Variants in SYT9 observed in about 807,000 individuals in gnomAD.
SYT9 encodes the protein synaptotagmin 9, also known as synaptotagmin-9.
SYT9 carries 22 observed loss-of-function variants against 48.4 expected under a neutral mutation model. The observed-to-expected ratio is 0.45, with a 90% CI of 0.32 to 0.65. The LOEUF is 0.65. Among genes scored for constraint, SYT9 ranks in the 30% least tolerant of loss-of-function variants. The probability of loss-of-function intolerance (pLI) is 0.03; values close to 1 mark genes in which losing one functional copy is unlikely to be tolerated. For missense variants in SYT9, 577 were observed against 622.0 expected, an observed-to-expected ratio of 0.93 and a Z score of 0.77; for synonymous variants, 265 against 245.0, an observed-to-expected ratio of 1.08 and a Z score of -0.76.
chr11:7,447,690 C>G (rs140663349), intron 6 of SYT9, among the ~76,000 whole-genome samples: 1 of 151,936 alleles, frequency 6.6e-6, no homozygotes, highest in East Asian at 1.9e-4. Flanking sequence ...ATACAGATAA[C>G]CTTTTCTCTG....
chr11:7,363,361 A>G (rs926143513), intron 3 of SYT9, among the ~76,000 whole-genome samples: 1 of 152,222 alleles, frequency 6.6e-6, no homozygotes, highest in African/African-American at 2.4e-5. Context: ...GCTTTCTGAC[A>G]TTAGCATCTA....
chr11:7,279,146 G>A (rs1226309493), intron 1 of SYT9, among the ~76,000 whole-genome samples: 1 of 152,146 alleles, frequency 6.6e-6, no homozygotes, highest in African/African-American at 2.4e-5. Flanking sequence ...GTGGACCCTA[G>A]AAACTCAAGG....
At chr11:7,270,790 A>G (rs1848279044) in intron 1 of SYT9, among the ~76,000 whole-genome samples, 1 of 151,684 alleles carries the variant, frequency 6.6e-6, no homozygotes. Context: ...AGCTGCTTCC[A>G]TGAGAGGATA....
intron 2 of SYT9, among the ~76,000 whole-genome samples, chr11:7,312,784 C>A (rs958066874): frequency 3.3e-5 from 5 of 152,210 alleles, no homozygotes; most frequent in Non-Finnish European, 5.9e-5. Context: ...AAAGCACAAT[C>A]CCAATTATGT....
At chr11:7,338,993 T>C (rs1849672540) in intron 3 of SYT9, among the ~76,000 whole-genome samples, 1 of 152,176 alleles carries the variant, frequency 6.6e-6, no homozygotes, top group African/African-American at 2.4e-5. Context: ...TTTGTAGGTC[T>C]CTTAAGAATT....
intron 6 of SYT9, chr11:7,439,224 CTTAGAAGAGAAGGAAGT>C (rs1396143118): frequency 6.6e-6 from 1 of 152,210 alleles, no homozygotes; most frequent in Non-Finnish European, 1.5e-5. Flanking sequence ...ATGCACACAG[CTTAGAAGAGAAGGAAGT>C]CACTCTATCT....
intron 1 of SYT9, among the ~76,000 whole-genome samples, chr11:7,265,692 A>G (rs1405904705): frequency 3.4e-5 from 5 of 148,924 alleles, no homozygotes; most frequent in East Asian, 3.9e-4. Flanking sequence ...TTGTAGCCAC[A>G]GTGAATTATC....
upstream of SYT9, among the ~76,000 whole-genome samples, chr11:7,251,121 CACACACACACA>C (rs2119746662): frequency 1.3e-5 from 2 of 150,632 alleles, no homozygotes; most frequent in South Asian, 4.2e-4. Context: ...CACACACACA[CACACACACACA>C]CCCAGAGTAC....
chr11:7,283,272 A>C (rs1848535444), intron 1 of SYT9, among the ~76,000 whole-genome samples: 1 of 151,874 alleles, frequency 6.6e-6, no homozygotes, highest in Non-Finnish European at 1.5e-5. Flanking sequence ...ACTGAATCAA[A>C]TGCTTTGTAA....
intron 3 of SYT9, among the ~76,000 whole-genome samples, chr11:7,365,675 G>A (rs902436358): frequency 2.6e-5 from 4 of 152,148 alleles, no homozygotes; most frequent in Non-Finnish European, 5.9e-5. Flanking sequence ...AGTTTTCACT[G>A]GCCTCTGGTT....
At chr11:7,375,295 T>A (rs1430409043) in intron 3 of SYT9, among the ~76,000 whole-genome samples, 2 of 152,194 alleles carry the variant, frequency 1.3e-5, no homozygotes, top group Non-Finnish European at 2.9e-5. Flanking sequence ...TTGGTACCAG[T>A]ACCATGCTGT....
chr11:7,389,051 G>C (rs544013192), intron 3 of SYT9, among the ~76,000 whole-genome samples: 1 of 152,168 alleles, frequency 6.6e-6, no homozygotes, highest in Non-Finnish European at 1.5e-5. Flanking sequence ...ACTAGGCTTG[G>C]TGTGCTTGAA....
intron 3 of SYT9, among the ~76,000 whole-genome samples, chr11:7,343,499 C>G (rs1047408338): frequency 1.3e-5 from 2 of 152,126 alleles, no homozygotes; most frequent in African/African-American, 4.8e-5. Context: ...CAGTTCCCAA[C>G]AAATTCCTCA....
intron 3 of SYT9, among the ~76,000 whole-genome samples, chr11:7,412,341 G>A (rs539145518): frequency 6.6e-6 from 1 of 152,194 alleles, no homozygotes; most frequent in Non-Finnish European, 1.5e-5. Context: ...TTGTAGAGAG[G>A]ACTCTTCTCT....
intron 6 of SYT9, chr11:7,427,268 T>G (rs776937230): frequency 6.6e-5 from 10 of 152,228 alleles, no homozygotes; most frequent in Non-Finnish European, 1.3e-4. Context: ...TGGCCCTTAT[T>G]AAGCTCCAAG....
chr11:7,418,358 T>A (rs375380134), intron 5 of SYT9, among the ~76,000 whole-genome samples: 4 of 152,250 alleles, frequency 2.6e-5, no homozygotes, highest in South Asian at 4.1e-4. Flanking sequence ...CCGTTCTCAT[T>A]TTTTTTCCTA....
At chr11:7,355,755 T>C (rs1850009807) in intron 3 of SYT9, among the ~76,000 whole-genome samples, 1 of 152,242 alleles carries the variant, frequency 6.6e-6, no homozygotes, top group Non-Finnish European at 1.5e-5. Context: ...AAGGAAGTCT[T>C]ATCAAGGTTA....
chr11:7,375,572 T>C (rs571721747), intron 3 of SYT9, among the ~76,000 whole-genome samples: 2 of 151,970 alleles, frequency 1.3e-5, no homozygotes, highest in South Asian at 4.1e-4. Context: ...TCCATTTGTT[T>C]GTGTCCTCTC....
chr11:7,280,467 G>C (rs778968161), intron 1 of SYT9, among the ~76,000 whole-genome samples: 1 of 152,178 alleles, frequency 6.6e-6, no homozygotes, highest in Non-Finnish European at 1.5e-5. Context: ...AATATTTTGT[G>C]CTGTTTACAA....
Sources: gnomAD v4.1 joint callset for allele counts (sites outside exome capture counted in the v4.1 genomes callset) on GRCh38, gnomAD v4.1.1 for gene constraint, MANE v1.5 for transcripts, NCBI Gene and HGNC (gene_info 2026-07-23, HGNC 2026-07-21) for gene names.